ASAP2: variants seen among roughly 807,000 people sequenced by gnomAD.
The protein encoded by ASAP2 is ArfGAP with SH3 domain, ankyrin repeat and PH domain 2, also known as arf-GAP with SH3 domain, ANK repeat and PH domain-containing protein 2.
A neutral mutation model predicts 131.4 loss-of-function variants in ASAP2; 45 were observed. The ratio of observed to expected loss-of-function variants is 0.34; its 90% CI spans 0.27 to 0.44. The LOEUF (loss-of-function observed/expected upper bound fraction) is 0.44, where lower values mean the gene tolerates loss of function less well. Ranked by LOEUF, ASAP2 falls within the 20% of genes least tolerant of loss-of-function variation. The pLI is 1.00. For synonymous variants in ASAP2, 510 were observed against 503.0 expected (o/e 1.01, Z -0.19); for missense variants, 1,011 against 1,297.0 (o/e 0.78, Z 3.39).
At chr2:9,307,078 G>A (rs778946842) in intron 3 of ASAP2, among the ~76,000 whole-genome samples, 46 of 152,196 alleles carry the variant, frequency 3.0e-4, no homozygotes, top group Admixed American at 1.3e-3. Context: ...CAGCAGCACC[G>A]GAATTGTTAG....
chr2:9,372,026 T>C (rs1674012402), intron 16 of ASAP2, among the ~76,000 whole-genome samples: 1 of 152,070 alleles, frequency 6.6e-6, no homozygotes, highest in South Asian at 2.1e-4. Context: ...TGTGCCCATG[T>C]TTGTGTAGGA....
intron 1 of ASAP2, among the ~76,000 whole-genome samples, chr2:9,270,802 T>TTTTTTTTTG: frequency 7.9e-6 from 1 of 127,184 alleles, no homozygotes; most frequent in Non-Finnish European, 1.7e-5. Flanking sequence ...TTTTTTTTTT[T>TTTTTTTTTG]TTTTTTTTGA....
chr2:9,209,352 C>G (rs1217116862), intron 1 of ASAP2, among the ~76,000 whole-genome samples: 1 of 152,142 alleles, frequency 6.6e-6, no homozygotes, highest in Admixed American at 6.5e-5. Flanking sequence ...TCCCAGGTGT[C>G]TAATGTTCGT....
In ASAP2 at chr2:9,292,765, G is replaced by A. The variant is rs895261719; in HGVS notation, c.200-4535G>A. On this transcript the variant is annotated intron_variant, in intron 2 of 27. Coordinates refer to ENST00000281419, the MANE Select transcript of ASAP2 (RefSeq NM_003887.3). ...CATAGACTGACATATCTTTCCCCAG[G>A]CATTCATCCCAGCCATGAGCATATG... Among the ~76,000 whole-genome samples, 71 of 152,278 alleles carry A rather than the reference G, an allele frequency of 4.7e-4. 1 individual carries two copies. The highest frequency in any genetic ancestry group is 1.7e-3 in the African/African-American group (71 of 41,556).
intron 1 of ASAP2, among the ~76,000 whole-genome samples, chr2:9,251,450 T>TGTGGAGAAATTGAGAAGCTC (rs1392157750): frequency 1.3e-5 from 2 of 152,106 alleles, no homozygotes; most frequent in Non-Finnish European, 2.9e-5. Flanking sequence ...GCGCAAAGCA[T>TGTGGAGAAATTGAGAAGCTC]GTGGAGAAAT....
chr2:9,319,324 C>T (rs1004113522), intron 4 of ASAP2, among the ~76,000 whole-genome samples: 5 of 152,234 alleles, frequency 3.3e-5, no homozygotes, highest in Non-Finnish European at 5.9e-5. Context: ...TGGGTCCCAT[C>T]GGGGATGACT....
intron 2 of ASAP2, among the ~76,000 whole-genome samples, chr2:9,296,723 A>G (rs1668175461): frequency 1.3e-5 from 2 of 152,220 alleles, no homozygotes; most frequent in Admixed American, 1.3e-4. Context: ...CCCAGGGTGT[A>G]GGGCAGAGTC....
intron 22 of ASAP2, among the ~76,000 whole-genome samples, chr2:9,390,556 T>A (rs1675638838): frequency 1.3e-5 from 2 of 152,184 alleles, no homozygotes; most frequent in South Asian, 4.1e-4. Context: ...GCCAGAAATA[T>A]GTTTGCGGGA....
At chr2:9,335,058 C>G (rs940794589) in intron 8 of ASAP2, 35 bp from the exon 9 acceptor site, 3 of 1,598,502 alleles carry the variant, frequency 1.9e-6, no homozygotes, top group Non-Finnish European at 1.7e-6. Flanking sequence ...TCTTAATTTT[C>G]TGATTGGTTC....
chr2:9,343,883 A>T lies in ASAP2; in HGVS notation c.850-649A>T, dbSNP rs77984995. ...GAATTTCCCAACTGTGGTAGATTCAATCAGATTCTCAGCTGACCATGTGGA... is the reference window on the plus strand; with the variant it reads ...GAATTTCCCAACTGTGGTAGATTCATTCAGATTCTCAGCTGACCATGTGGA... On this transcript the variant is annotated intron_variant, in intron 9 of 27. Coordinates refer to ENST00000281419, the MANE Select transcript of ASAP2 (RefSeq NM_003887.3). Among the ~76,000 whole-genome samples, 485 of 152,366 alleles carry T rather than the reference A, an allele frequency of 3.2e-3. 2 individuals carry two copies. The highest frequency in any genetic ancestry group is 0.011 in the African/African-American group (475 of 41,592).
At chr2:9,319,677 A>G (rs1443647593) in intron 4 of ASAP2, among the ~76,000 whole-genome samples, 1 of 152,200 alleles carries the variant, frequency 6.6e-6, no homozygotes, top group East Asian at 1.9e-4. Flanking sequence ...CAACAAAAAG[A>G]TTTCTGTCTC....
At chr2:9,359,039 C>A in intron 15 of ASAP2, 150 bp downstream of exon 15, 1 of 1,056,904 alleles carries the variant, frequency 9.5e-7, no homozygotes, top group Non-Finnish European at 1.3e-6. Context: ...GATAATTCTT[C>A]ATTTTTAGCT....
rs1661154589 is a variant in ASAP2 at position 9,207,024 on chromosome 2, C to G, written c.-81C>G. On this transcript the variant is annotated 5_prime_UTR_variant, in exon 1 of 28. Transcript: ENST00000281419. This position sits in a 1 kb window ranked among gnomAD's most constrained non-coding sequence, Gnocchi z 4.1. ...GAGCGGCGGCGGCAGCGGCGGTGTC[C>G]GAGCGGCGGTCGGAGCCTGCTGCGG... is the stretch of plus-strand genomic sequence containing the variant. The G allele has an allele frequency of 9.6e-6, 11 of 1,147,060 alleles. No individual in the cohort carries two copies. The South Asian group carries it at 3.3e-4, about 34-fold the overall frequency. 71.1% of individuals were successfully genotyped at this position (1,147,060 alleles called of 1,614,324 possible).
intron 2 of ASAP2, among the ~76,000 whole-genome samples, chr2:9,290,199 T>C (rs1667725897): frequency 6.6e-6 from 1 of 152,074 alleles, no homozygotes. Flanking sequence ...TAATGTTATT[T>C]ATTTATTTAT....
chr2:9,229,143 T>A (rs190347086), intron 1 of ASAP2, among the ~76,000 whole-genome samples: 1 of 152,004 alleles, frequency 6.6e-6, no homozygotes, highest in East Asian at 1.9e-4. Flanking sequence ...TCTGTACAGA[T>A]GTGGAGCCCC....
chr2:9,325,153 T>C (rs952838754), intron 6 of ASAP2, among the ~76,000 whole-genome samples: 1 of 152,228 alleles, frequency 6.6e-6, no homozygotes, highest in African/African-American at 2.4e-5. Flanking sequence ...GGAGAATGGA[T>C]GTTTTTATAC....
intron 1 of ASAP2, chr2:9,271,704 G>C: frequency 2.1e-6 from 1 of 482,222 alleles, no homozygotes. Context: ...GTAGGGAAGC[G>C]ACGGGGCCCA....
At chr2:9,248,891 C>G (rs986124075) in intron 1 of ASAP2, among the ~76,000 whole-genome samples, 4 of 152,176 alleles carry the variant, frequency 2.6e-5, no homozygotes, top group Non-Finnish European at 5.9e-5. Context: ...GAGGCTGGCT[C>G]TGTGTCTACC....
intron 11 of ASAP2, 134 bp from the exon 12 acceptor site, chr2:9,350,674 T>C (rs1370277790): frequency 4.6e-6 from 3 of 656,888 alleles, no homozygotes; most frequent in Non-Finnish European, 7.4e-6. Context: ...CCTTCCTCTG[T>C]CAAGTCTGAA....
Sources: allele counts gnomAD v4.1 joint callset (sites outside exome capture counted in the v4.1 genomes callset), GRCh38; gene constraint gnomAD v4.1.1; non-coding constraint Gnocchi (gnomAD v3.1); transcripts MANE v1.5; gene names NCBI Gene and HGNC (gene_info 2026-07-23, HGNC 2026-07-21).